Variants in TBC1D22A observed in about 807,000 individuals in gnomAD.
TBC1D22A encodes the protein TBC1 domain family member 22A.
Under a neutral mutation model 60.2 loss-of-function variants are expected in TBC1D22A, and 38 were observed. The observed-to-expected ratio is 0.63, with a 90% CI of 0.49 to 0.83. The LOEUF (loss-of-function observed/expected upper bound fraction) is 0.83. Ranked by LOEUF, TBC1D22A falls within the 40% of genes least tolerant of loss-of-function variation. The pLI is 0.00. For missense variants in TBC1D22A, 628 were observed against 701.0 expected (o/e 0.90, Z 1.18); for synonymous variants, 302 against 281.7 (o/e 1.07, Z -0.72).
chr22:46,805,183 G>A (rs1225719505), intron 4 of TBC1D22A, among the ~76,000 whole-genome samples: 1 of 152,208 alleles, frequency 6.6e-6, no homozygotes, highest in African/African-American at 2.4e-5. Flanking sequence ...TCCAGTGACT[G>A]GCACATGCAT....
At chr22:47,091,575 G>A (rs1375975233) in intron 11 of TBC1D22A, among the ~76,000 whole-genome samples, 2 of 147,506 alleles carry the variant, frequency 1.4e-5, no homozygotes, top group Non-Finnish European at 1.5e-5. Context: ...GGGTGGCTGC[G>A]TGTTGATAGA....
intron 4 of TBC1D22A, among the ~76,000 whole-genome samples, chr22:46,843,191 T>C (rs2086847664): frequency 6.6e-6 from 1 of 152,186 alleles, no homozygotes; most frequent in South Asian, 2.1e-4. Flanking sequence ...TAGCTCAGGG[T>C]CCTCATCTGT....
intron 8 of TBC1D22A, among the ~76,000 whole-genome samples, chr22:46,952,780 T>G (rs1413223467): frequency 1.3e-5 from 2 of 152,160 alleles, no homozygotes; most frequent in Non-Finnish European, 2.9e-5. Context: ...ATTCTCTCTC[T>G]CAACCCCTCA....
intron 8 of TBC1D22A, among the ~76,000 whole-genome samples, chr22:46,920,652 ACT>A (rs1440195555): frequency 6.6e-6 from 1 of 151,904 alleles, no homozygotes; most frequent in East Asian, 1.9e-4. Context: ...GATTAGAGAA[ACT>A]CTGTTGAATT....
chr22:46,992,678 A>G (rs2074989526), intron 9 of TBC1D22A, among the ~76,000 whole-genome samples: 1 of 152,232 alleles, frequency 6.6e-6, no homozygotes, highest in Admixed American at 6.5e-5. Flanking sequence ...AAGAACTAGT[A>G]TCTGATGTGG....
rs189357241 is a variant in TBC1D22A, at chr22:46,842,100, T to C, written c.638-36553T>C. The stretch of plus-strand genomic sequence containing the variant: ...AACAAGGATAGATGGGTTTGTAAGT[T>C]ACAGGTATAGGTATTTTTGCTGCAA... On this transcript the variant is annotated intron_variant, in intron 4 of 12. Coordinates refer to ENST00000337137, the MANE Select transcript of TBC1D22A (RefSeq NM_014346.5). Among the ~76,000 whole-genome samples, 341 of 152,358 alleles carry C rather than the reference T, an allele frequency of 2.2e-3. 4 individuals are homozygous for C. The highest frequency in any genetic ancestry group is 4.0e-3 in the Non-Finnish European group (269 of 68,036).
At chr22:47,039,558 G>A (rs2062767816) in intron 11 of TBC1D22A, among the ~76,000 whole-genome samples, 1 of 151,954 alleles carries the variant, frequency 6.6e-6, no homozygotes, top group Non-Finnish European at 1.5e-5. Flanking sequence ...GAACTAGATA[G>A]TATATAAAAA....
At chr22:47,042,178 C>A (rs958192629) in intron 11 of TBC1D22A, among the ~76,000 whole-genome samples, 6 of 152,248 alleles carry the variant, frequency 3.9e-5, no homozygotes, top group Non-Finnish European at 8.8e-5. Flanking sequence ...ATTTCTGCCC[C>A]CCCCATGAGG....
intron 4 of TBC1D22A, among the ~76,000 whole-genome samples, chr22:46,802,543 G>A (rs2084942147): frequency 6.6e-6 from 1 of 152,220 alleles, no homozygotes; most frequent in Non-Finnish European, 1.5e-5. Context: ...TGTGGGGAGA[G>A]GCCTGCAAGG....
chr22:46,909,537 C>T (rs375551627), intron 7 of TBC1D22A, among the ~76,000 whole-genome samples: 1 of 152,186 alleles, frequency 6.6e-6, no homozygotes, highest in Admixed American at 6.5e-5. Context: ...GCCTCAGGCA[C>T]CCCGGGCCTT....
At chr22:46,818,626 A>G (rs1449516614) in intron 4 of TBC1D22A, among the ~76,000 whole-genome samples, 1 of 152,172 alleles carries the variant, frequency 6.6e-6, no homozygotes, top group Non-Finnish European at 1.5e-5. Context: ...CTGTTTTGGT[A>G]CCAGTACCAT....
chr22:46,795,649 G>T (rs1321967486), intron 3 of TBC1D22A, among the ~76,000 whole-genome samples: 1 of 152,190 alleles, frequency 6.6e-6, no homozygotes, highest in Non-Finnish European at 1.5e-5. Context: ...CTTCAGTATA[G>T]TGACAATGAT....
At chr22:47,098,686 C>T (rs895799480) in intron 11 of TBC1D22A, among the ~76,000 whole-genome samples, 2 of 152,232 alleles carry the variant, frequency 1.3e-5, no homozygotes, top group African/African-American at 4.8e-5. Flanking sequence ...TTAGGCTGCC[C>T]TGGGGACAGG....
At chr22:47,017,586 G>T (rs2061951742) in intron 10 of TBC1D22A, among the ~76,000 whole-genome samples, 2 of 152,176 alleles carry the variant, frequency 1.3e-5, no homozygotes, top group Non-Finnish European at 2.9e-5. Context: ...GGGAATGCCA[G>T]GTGGGGAGGG....
intron 10 of TBC1D22A, among the ~76,000 whole-genome samples, chr22:47,005,588 T>TAC (rs996994778): frequency 6.8e-6 from 1 of 147,018 alleles, no homozygotes; most frequent in Non-Finnish European, 1.5e-5. Flanking sequence ...CGCAAACCTA[T>TAC]ACACACACAC....
chr22:47,082,325 C>T (rs559657742), intron 11 of TBC1D22A, among the ~76,000 whole-genome samples: 2 of 152,024 alleles, frequency 1.3e-5, no homozygotes, highest in Admixed American at 6.5e-5. Flanking sequence ...TTTAAAAGAA[C>T]AACTAAGTTT....
At chr22:46,935,599 C>A (rs902208016) in intron 8 of TBC1D22A, among the ~76,000 whole-genome samples, 7 of 152,340 alleles carry the variant, frequency 4.6e-5, no homozygotes, top group South Asian at 2.1e-4. Flanking sequence ...GTCTCGCCCC[C>A]CTCCTTTCCG....
At chr22:47,027,087 A>AT (rs1288808408) in intron 10 of TBC1D22A, among the ~76,000 whole-genome samples, 3 of 152,254 alleles carry the variant, frequency 2.0e-5, no homozygotes, top group Non-Finnish European at 4.4e-5. Context: ...GGAATAGAAG[A>AT]GAGTGCTGAG....
In TBC1D22A at chr22:47,025,997, C is replaced by T. The variant is rs150404235; in HGVS notation, c.1202-11074C>T. On this transcript the variant is annotated intron_variant, in intron 10 of 12. Coordinates refer to ENST00000337137, the MANE Select transcript of TBC1D22A (RefSeq NM_014346.5). ...CATCATGAGCATAAATGTAAGGATCCTGAACAGATTTTAGTAAATCAAATC... is the reference window on the plus strand; with the variant it reads ...CATCATGAGCATAAATGTAAGGATCTTGAACAGATTTTAGTAAATCAAATC... Among the ~76,000 whole-genome samples, 648 of 152,292 alleles carry T rather than the reference C, an allele frequency of 4.3e-3. 4 individuals carry two copies. Among genetic ancestry groups the T allele is most frequent in the African/African-American group, 0.015 (621 of 41,556 alleles).
Sources: allele counts gnomAD v4.1 joint callset (sites outside exome capture counted in the v4.1 genomes callset), GRCh38; gene constraint gnomAD v4.1.1; transcripts MANE v1.5; gene names NCBI Gene and HGNC (gene_info 2026-07-23, HGNC 2026-07-21).